Variants in MS4A7 observed in about 807,000 individuals in gnomAD.
The protein encoded by MS4A7 is membrane-spanning 4-domains subfamily A member 7.
In MS4A7, 21 loss-of-function variants were observed where a neutral mutation model predicts 23.5. The ratio of observed to expected loss-of-function variants is 0.89; its 90% confidence interval spans 0.63 to 1.29. The LOEUF (loss-of-function observed/expected upper bound fraction) is 1.29. MS4A7 is among the 50% of genes most tolerant of loss of function. The probability of loss-of-function intolerance (pLI) is 0.00; values close to 1 mark genes in which losing one functional copy is unlikely to be tolerated. For missense variants in MS4A7, 263 were observed against 274.2 expected (o/e 0.96, Z 0.29); for synonymous variants, 111 against 107.4 (o/e 1.03, Z -0.21).
intron 1 of MS4A7, among the ~76,000 whole-genome samples, chr11:60,380,779 A>C (rs2085420202): frequency 6.6e-6 from 1 of 152,232 alleles, no homozygotes. Context: ...TAAGATCAGC[A>C]ATGTCCCTGG....
Position 60,394,929 on chromosome 11 carries a change from C to A in MS4A7, c.*1068C>A. ...CAGTCGTTGGCACATAAACTATGTT[C>A]TCTTCTGTCATTTCAGGGTAGGAGT... On this transcript the variant is annotated 3_prime_UTR_variant, in exon 7 of 7. Coordinates refer to ENST00000300184, the MANE Select transcript of MS4A7 (RefSeq NM_021201.5). 1.6e-6 allele frequency: 1 copy of A among 638,056 alleles called. No individual in the cohort carries two copies. Among genetic ancestry groups the A allele is most frequent in the Non-Finnish European group, 2.9e-6 (1 of 348,040 alleles). 39.5% of individuals were successfully genotyped at this position (638,056 alleles called of 1,614,324 possible).
intron 1 of MS4A7, among the ~76,000 whole-genome samples, chr11:60,382,045 C>G (rs1452325714): frequency 6.6e-6 from 1 of 152,226 alleles, no homozygotes; most frequent in Non-Finnish European, 1.5e-5. Context: ...TGGCACCTTT[C>G]AAGGATGACA....
At chr11:60,391,347 G>C (rs2085547940) in intron 5 of MS4A7, among the ~76,000 whole-genome samples, 1 of 152,056 alleles carries the variant, frequency 6.6e-6, no homozygotes, top group East Asian at 1.9e-4. Context: ...TAAGGTTCTA[G>C]CAGAATCAAA....
intron 4 of MS4A7, among the ~76,000 whole-genome samples, chr11:60,387,238 T>C (rs1284343337): frequency 1.3e-5 from 2 of 152,146 alleles, no homozygotes; most frequent in African/African-American, 4.8e-5. Flanking sequence ...AGCGTCAGGG[T>C]GACCAATTGT....
At chr11:60,385,778 G>T (rs1471830774) in intron 3 of MS4A7, among the ~76,000 whole-genome samples, 2 of 152,162 alleles carry the variant, frequency 1.3e-5, no homozygotes, top group Non-Finnish European at 2.9e-5. Flanking sequence ...ATGAAAAAGG[G>T]CCCAGTAGAT....
At chr11:60,392,560 G>T in intron 5 of MS4A7, 125 bp from the exon 6 acceptor site, 1 of 657,206 alleles carries the variant, frequency 1.5e-6, no homozygotes, top group Non-Finnish European at 2.7e-6. Flanking sequence ...GCAGAAAAGA[G>T]GATTAAGCAA....
At chr11:60,379,784 C>T (rs1044083578) in intron 1 of MS4A7, among the ~76,000 whole-genome samples, 10 of 152,174 alleles carry the variant, frequency 6.6e-5, no homozygotes, top group Non-Finnish European at 1.3e-4. Context: ...ATCTGCCCGC[C>T]TCGGCCTCCC....
chr11:60,386,976 G>A (rs575951328), intron 4 of MS4A7, among the ~76,000 whole-genome samples: 9 of 152,222 alleles, frequency 5.9e-5, no homozygotes, highest in Middle Eastern at 3.4e-3. Flanking sequence ...GTGCTCTTTC[G>A]TCTACACAAT....
chr11:60,390,916 A>G (rs914653750), intron 5 of MS4A7, among the ~76,000 whole-genome samples: 1 of 152,196 alleles, frequency 6.6e-6, no homozygotes, highest in African/African-American at 2.4e-5. Flanking sequence ...GGGCAGAAGG[A>G]AAAACAAATC....
At chr11:60,391,513 G>A (rs1048343028) in intron 5 of MS4A7, among the ~76,000 whole-genome samples, 3 of 152,178 alleles carry the variant, frequency 2.0e-5, no homozygotes, top group African/African-American at 7.2e-5. Context: ...ATGAGTAGCG[G>A]CAGCAAATGG....
intron 4 of MS4A7, among the ~76,000 whole-genome samples, chr11:60,387,993 A>G (rs933410919): frequency 3.9e-5 from 6 of 152,236 alleles, no homozygotes; most frequent in Admixed American, 6.5e-5. Context: ...GGTTTCCAGC[A>G]CATGCTCCTC....
chr11:60,388,428 T>C (rs1250420552), intron 4 of MS4A7, among the ~76,000 whole-genome samples: 2 of 152,228 alleles, frequency 1.3e-5, no homozygotes, highest in Non-Finnish European at 2.9e-5. Flanking sequence ...TCCAGAACTA[T>C]GACTCCAACC....
Position 60,383,203 on chromosome 11 carries a change from T to C in MS4A7, c.62T>C (p.Ile21Thr), listed in dbSNP as rs200117923. The change falls in exon 2 of 7, where the codon ATC (isoleucine) becomes ACC (threonine). Residue 21 changes from isoleucine (I) to threonine (T), a missense_variant. Transcript: ENST00000300184. ...SHSFTPKGIT[I>T]PQREKPGHMY... ...AGCTTTACACCAAAGGGCATCACTATCCCTCAAAGAGAGAAACCTGGACAC... is the reference window on the plus strand; with the variant it reads ...AGCTTTACACCAAAGGGCATCACTACCCCTCAAAGAGAGAAACCTGGACAC... 27 of 1,614,132 alleles carry C rather than the reference T, an allele frequency of 1.7e-5. No individual in the cohort carries two copies. In the Middle Eastern group the frequency reaches 4.9e-4, roughly 30 times the overall value.
intron 2 of MS4A7, among the ~76,000 whole-genome samples, chr11:60,383,912 T>A (rs867432118): frequency 1.3e-5 from 2 of 152,230 alleles, no homozygotes; most frequent in Non-Finnish European, 2.9e-5. Flanking sequence ...TTACTCAATA[T>A]GATTAAATTA....
rs776208258 is a variant in MS4A7, at chr11:60,393,965, TA to T, written c.*116del. The T allele has an allele frequency of 0.14, 58,150 of 427,036 alleles. No homozygotes were observed. The highest frequency in any genetic ancestry group is 0.19 in the East Asian group (4,081 of 21,922). The allele number at this position is 427,036 out of a possible 1,614,324, so 26.5% of individuals were successfully genotyped here. On this transcript the variant is annotated 3_prime_UTR_variant, in exon 7 of 7. Transcript: ENST00000300184. Reference sequence around the variant, plus strand: ...CCATTTTAGATACTGTGAAACAAACTAAAAAAAAAAAAGCTTTTGTTTTGTA... The same window carrying T: ...CCATTTTAGATACTGTGAAACAAACTAAAAAAAAAAAGCTTTTGTTTTGTA...
Position 60,395,696 on chromosome 11 carries a change from TG to T in MS4A7, c.*1837del, listed in dbSNP as rs1174278254. ...TCTGTTATAAAGGGGCAACTCCATC[TG>T]GTCCTATAGCATCTTTACTACTGAT... On this transcript the variant is annotated 3_prime_UTR_variant, in exon 7 of 7. Coordinates refer to ENST00000300184, the MANE Select transcript of MS4A7 (RefSeq NM_021201.5). 2.6e-5 allele frequency: 4 copies of T among 152,226 alleles called. No homozygotes were observed. The highest frequency in any genetic ancestry group is 9.6e-5 in the African/African-American group (4 of 41,454). The allele number at this position is 152,226 out of a possible 1,614,324, so 9.4% of individuals were successfully genotyped here.
At position 60,393,852 on chromosome 11, in the gene MS4A7, T is replaced by C; in HGVS notation, c.714T>C (p.Ser238=). 6.2e-7 allele frequency: 1 copy of C among 1,609,756 alleles called. No homozygotes were observed. The highest frequency in any genetic ancestry group is 8.5e-7 in the Non-Finnish European group (1 of 1,178,156). ...AGGTCAAAAAGAGTTCTTCACGGTC[T>C]TGGATATAAGTAACTCTTGGCCTCA... is the stretch of plus-strand genomic sequence containing the variant. ...IQQVKKSSSR[S]WI Residue 238 remains serine, a synonymous_variant, in exon 7 of 7, where the codon TCT becomes TCC. Coordinates refer to ENST00000300184, the MANE Select transcript of MS4A7 (RefSeq NM_021201.5).
Position 60,389,480 on chromosome 11 carries a change from A to G in MS4A7, c.430A>G (p.Thr144Ala), listed in dbSNP as rs757200781. 1 of 1,614,072 alleles carries G rather than the reference A, an allele frequency of 6.2e-7. No individual in the cohort carries two copies. Among genetic ancestry groups the G allele is most frequent in the South Asian group, 1.1e-5 (1 of 91,076 alleles). ...LLADSMVALRTASQHCGSEMD... is the reference protein window; with the variant it reads ...LLADSMVALRAASQHCGSEMD... ...TGCTGACAGCATGGTAGCCCTGAGG[A>G]CTGCCTCTCAACATTGTGGCTCAGA... The change falls in exon 5 of 7, where the codon ACT (threonine) becomes GCT (alanine). Residue 144 changes from threonine (T) to alanine (A), a missense_variant. Transcript: ENST00000300184.
At chr11:60,390,859 A>T (rs1446064760) in intron 5 of MS4A7, among the ~76,000 whole-genome samples, 1 of 152,216 alleles carries the variant, frequency 6.6e-6, no homozygotes, top group African/African-American at 2.4e-5. Flanking sequence ...ATGAAATTTT[A>T]AAAATTAAAA....
Sources: allele counts gnomAD v4.1 joint callset (sites outside exome capture counted in the v4.1 genomes callset), GRCh38; gene constraint gnomAD v4.1.1; transcripts MANE v1.5; gene names NCBI Gene and HGNC (gene_info 2026-07-23, HGNC 2026-07-21).